The following PRMT5 variants were observed in gnomAD, a reference collection of about 807,000 sequenced individuals.
The protein encoded by PRMT5 is protein arginine methyltransferase 5.
Under a neutral mutation model 84.0 loss-of-function variants are expected in PRMT5, and 15 were observed. The observed-to-expected ratio is 0.18, with a 90% CI of 0.12 to 0.28. The LOEUF is 0.28. Ranked by LOEUF, PRMT5 falls within the 10% of genes least tolerant of loss-of-function variation. The pLI is 1.00. For missense variants in PRMT5, 486 were observed against 808.0 expected (o/e 0.60, Z 4.83); for synonymous variants, 276 against 292.4 (o/e 0.94, Z 0.57).
chr14:22,926,458 C>T (rs764981197), intron 6 of PRMT5, 48 bp downstream of exon 6: 1 of 1,605,846 alleles, frequency 6.2e-7, no homozygotes, highest in Non-Finnish European at 8.5e-7. Flanking sequence ...TTCTTATTCA[C>T]AGGAGGTAAG....
At chr14:22,922,117 G>A (rs769050203) in intron 16 of PRMT5, 59 bp downstream of exon 16, 13 of 1,407,446 alleles carry the variant, frequency 9.2e-6, no homozygotes, top group Non-Finnish European at 1.3e-5. Flanking sequence ...AAGGAAAGAA[G>A]CACAACACCA....
Position 22,924,973 on chromosome 14 carries a change from T to C in PRMT5, c.845A>G (p.Gln282Arg), listed in dbSNP as rs771419931. The C allele has an allele frequency of 6.2e-7, 1 of 1,614,086 alleles. No individual in the cohort carries two copies. Among genetic ancestry groups the C allele is most frequent in the East Asian group, 2.2e-5 (1 of 44,874 alleles). ...GTTCTGGCTTAAGTATTCCAGGTATTGGAGGTAGGAGCAGAACTCCTTCTC... is the reference window on the plus strand; with the variant it reads ...GTTCTGGCTTAAGTATTCCAGGTATCGGAGGTAGGAGCAGAACTCCTTCTC... ...HSEKEFCSYLQYLEYLSQNRP... is the reference protein window; with the variant it reads ...HSEKEFCSYLRYLEYLSQNRP... Residue 282 changes from glutamine (Q) to arginine (R), a missense_variant, in exon 8 of 17, where the codon CAA (glutamine) becomes CGA (arginine). Around this residue, in one of 4 missense-constraint regions of PRMT5, gnomAD observed 215 missense variants for 301.1 expected, o/e 0.71. Coordinates refer to ENST00000324366, the MANE Select transcript of PRMT5 (RefSeq NM_006109.5). The surrounding 1 kb of genome is among the most constrained non-coding windows in gnomAD (Gnocchi z 6.5).
chr14:22,921,418 G>A (rs1450657619), intron 16 of PRMT5, among the ~76,000 whole-genome samples: 1 of 152,184 alleles, frequency 6.6e-6, no homozygotes, highest in Admixed American at 6.5e-5. Flanking sequence ...AAAGAAGATA[G>A]ACAATTAGAA....
chr14:22,923,036 A>G lies in PRMT5; in HGVS notation c.1485+15T>C, dbSNP rs1191680805. ...TAAAGAGTACCACTTCTTTCCAGAG[A>G]GAGTGGTTCTTTACCTCAGGGTCAC... On this transcript the variant is annotated intron_variant, in intron 13 of 16. Transcript: ENST00000324366. The surrounding 1 kb of genome is among the most constrained non-coding windows in gnomAD (Gnocchi z 5.2). 6.4e-7 allele frequency: 1 copy of G among 1,568,236 alleles called. No homozygotes were observed. Among genetic ancestry groups the G allele is most frequent in the Admixed American group, 1.7e-5 (1 of 58,830 alleles).
intron 4 of PRMT5, chr14:22,927,020 T>G (rs2044435097): frequency 1.7e-6 from 1 of 573,866 alleles, no homozygotes; most frequent in African/African-American, 1.9e-5. Context: ...CCAAAATAAT[T>G]ACATTTACAT....
chr14:22,921,481 C>T (rs1256508550), intron 16 of PRMT5, among the ~76,000 whole-genome samples: 1 of 152,168 alleles, frequency 6.6e-6, no homozygotes, highest in Non-Finnish European at 1.5e-5. Context: ...ACAGTAGCTG[C>T]AAAGGCAAGC....
intron 15 of PRMT5, 32 bp from the exon 16 acceptor site, chr14:22,922,272 T>A (rs1432299529): frequency 1.9e-6 from 3 of 1,548,810 alleles, no homozygotes; most frequent in East Asian, 2.2e-5. Flanking sequence ...AAAACAGAGG[T>A]CTCCATGGCT....
chr14:22,928,478 C>A lies in PRMT5; in HGVS notation c.229+19G>T, dbSNP rs775698758. On this transcript the variant is annotated intron_variant, in intron 2 of 16. Coordinates refer to ENST00000324366, the MANE Select transcript of PRMT5 (RefSeq NM_006109.5). This position sits in a 1 kb window ranked among gnomAD's most constrained non-coding sequence, Gnocchi z 4.8. ...GTTATTGCCTCTAATAATTAAGGGGCATATGGGATGGTCCCTACCCCTTCC... is the reference window on the plus strand; with the variant it reads ...GTTATTGCCTCTAATAATTAAGGGGAATATGGGATGGTCCCTACCCCTTCC... 6.4e-7 allele frequency: 1 copy of A among 1,553,332 alleles called. No homozygotes were observed. The highest frequency in any genetic ancestry group is 8.9e-7 in the Non-Finnish European group (1 of 1,124,742).
Position 22,924,819 on chromosome 14 carries a change from T to C in PRMT5, c.939+60A>G. On this transcript the variant is annotated intron_variant, in intron 8 of 16. Coordinates refer to ENST00000324366, the MANE Select transcript of PRMT5 (RefSeq NM_006109.5). This position sits in a 1 kb window ranked among gnomAD's most constrained non-coding sequence, Gnocchi z 6.5. ...TGAGTTTTAGTAAGATTTGGAGGCATATATTCTCAAGAAACATTTTCCATC... is the reference window on the plus strand; with the variant it reads ...TGAGTTTTAGTAAGATTTGGAGGCACATATTCTCAAGAAACATTTTCCATC... The C allele has an allele frequency of 6.3e-7, 1 of 1,598,824 alleles. No individual in the cohort carries two copies. The highest frequency in any genetic ancestry group is 8.5e-7 in the Non-Finnish European group (1 of 1,170,210).
chr14:22,928,905 C>A lies in PRMT5; in HGVS notation c.111-290G>T. On this transcript the variant is annotated intron_variant, in intron 1 of 16. Coordinates refer to ENST00000324366, the MANE Select transcript of PRMT5 (RefSeq NM_006109.5). The surrounding 1 kb of genome is among the most constrained non-coding windows in gnomAD (Gnocchi z 4.8). ...CAGTATGTTTCCAAGACCATCACAT[C>A]CAGATTTGCCCCAGTTCTGCCCATG... The A allele has an allele frequency of 1.7e-6, 1 of 601,030 alleles. No homozygotes were observed. Among genetic ancestry groups the A allele is most frequent in the East Asian group, 2.8e-5 (1 of 36,170 alleles). The allele number at this position is 601,030 out of a possible 1,614,324, so 37.2% of individuals were successfully genotyped here. A position where few individuals can be genotyped will look rare whatever the true frequency, so the allele number is the denominator to read the frequency against.
In PRMT5 at chr14:22,924,514, G is replaced by A. The variant is rs749087627; in HGVS notation, c.1041C>T (p.Asp347=). Residue 347 remains aspartate, a synonymous_variant, in exon 10 of 17, where the codon GAC becomes GAT. Coordinates refer to ENST00000324366, the MANE Select transcript of PRMT5 (RefSeq NM_006109.5). The surrounding 1 kb of genome is among the most constrained non-coding windows in gnomAD (Gnocchi z 6.5). The part of the protein sequence containing the change: ...YQQAIYKCLL[D]RVPEEEKDTN... ...TATCCTTCTCCTCTTCTGGTACTCG[G>A]TCTAGCAGACATTTATAGATGGCCT... is the stretch of plus-strand genomic sequence containing the variant. 1 of 1,614,106 alleles carries A rather than the reference G, an allele frequency of 6.2e-7. No individual in the cohort carries two copies. The highest frequency in any genetic ancestry group is 8.5e-7 in the Non-Finnish European group (1 of 1,179,980).
chr14:22,927,459 A>C, intron 4 of PRMT5, 67 bp downstream of exon 4: 1 of 1,592,342 alleles, frequency 6.3e-7, no homozygotes, highest in Non-Finnish European at 8.6e-7. Flanking sequence ...ATGGCTAGGC[A>C]CAAGAAGGTA....
chr14:22,922,781 CAG>C lies in PRMT5; in HGVS notation c.1538_1539del (p.Ser513CysfsTer18). On this transcript the variant is annotated frameshift_variant, in exon 14 of 17. Transcript: ENST00000324366. LOFTEE classifies it high-confidence loss of function. Reference protein sequence around the residue: ...VVRLHNFHQLSAPQPCFTFSH... With the variant: ...VVRLHNFHQLXAPQPCFTFSH... ...CTGAAGGTGAAACAGGGCTGGGGTG[CAG>C]AGAGCTGGTGGAAGTTGTGCAGCCG... The C allele has an allele frequency of 6.2e-7, 1 of 1,613,918 alleles. No individual in the cohort carries two copies.
Position 22,923,886 on chromosome 14 carries a change from G to GTAGATCTCGGT in PRMT5, c.1375+121_1375+122insACCGAGATCTA. On this transcript the variant is annotated intron_variant, in intron 12 of 16. Coordinates refer to ENST00000324366, the MANE Select transcript of PRMT5 (RefSeq NM_006109.5). This position sits in a 1 kb window ranked among gnomAD's most constrained non-coding sequence, Gnocchi z 5.2. ...AGGGGCACAGAGGCAGTGAAGCAGT[G>GTAGATCTCGGT]GCTCTCAAACTCATATGATGTGACC... 2 of 1,050,884 alleles carry GTAGATCTCGGT rather than the reference G, an allele frequency of 1.9e-6. No individual in the cohort carries two copies. Among genetic ancestry groups the GTAGATCTCGGT allele is most frequent in the Non-Finnish European group, 2.7e-6 (2 of 738,072 alleles). 65.1% of individuals were successfully genotyped at this position (1,050,884 alleles called of 1,614,324 possible).
Position 22,928,493 on chromosome 14 carries a change from C to T in PRMT5, c.229+4G>A. 6.2e-7 allele frequency: 1 copy of T among 1,601,206 alleles called. No individual in the cohort carries two copies. The highest frequency in any genetic ancestry group is 1.1e-5 in the South Asian group (1 of 90,838). ...AATTAAGGGGCATATGGGATGGTCC[C>T]TACCCCTTCCTGACAGCAGTAGGTC... On this transcript the variant is annotated splice_donor_region_variant and intron_variant, in intron 2 of 16. Coordinates refer to ENST00000324366, the MANE Select transcript of PRMT5 (RefSeq NM_006109.5). The surrounding 1 kb of genome is among the most constrained non-coding windows in gnomAD (Gnocchi z 4.8).
chr14:22,922,581 G>T, intron 14 of PRMT5, 22 bp from the exon 15 acceptor site: 1 of 1,584,220 alleles, frequency 6.3e-7, no homozygotes, highest in East Asian at 2.2e-5. Flanking sequence ...TAATTATGTG[G>T]GTGACAAGGG....
Position 22,928,567 on chromosome 14 carries a change from C to T in PRMT5, c.159G>A (p.Glu53=). 1 of 1,614,162 alleles carries T rather than the reference C, an allele frequency of 6.2e-7. No homozygotes were observed. Among genetic ancestry groups the T allele is most frequent in the Non-Finnish European group, 8.5e-7 (1 of 1,179,996 alleles). Residue 53 remains glutamate (E), a synonymous_variant, in exon 2 of 17, where the codon GAG becomes GAA. Transcript: ENST00000324366. The surrounding 1 kb of genome is among the most constrained non-coding windows in gnomAD (Gnocchi z 4.8). ...GATTCTTAGCAGGTTCCTGAATGAA[C>T]TCCCTCTTGAAACGCGGATGGAAGA... ...MPVFHPRFKR[E]FIQEPAKNRP... is the part of the protein sequence containing the mutation.
chr14:22,924,641 C>T lies in PRMT5; in HGVS notation c.1008G>A (p.Gln336=), dbSNP rs2044377852. The stretch of plus-strand genomic sequence containing the variant: ...GGGCACCACACAGTACCTGCTGGTA[C>T]TGAGAGTATTTGATGGGGTCCTTTT... ...VFEKDPIKYS[Q]YQQAIYKCLL... Residue 336 remains glutamine (Q), a synonymous_variant, in exon 9 of 17, where the codon CAG becomes CAA. Transcript: ENST00000324366. This position sits in a 1 kb window ranked among gnomAD's most constrained non-coding sequence, Gnocchi z 6.5. 4.3e-6 allele frequency: 7 copies of T among 1,614,054 alleles called. No individual in the cohort carries two copies. Among genetic ancestry groups the T allele is most frequent in the Non-Finnish European group, 5.9e-6 (7 of 1,179,928 alleles).
At position 22,928,080 on chromosome 14, in the gene PRMT5, C is replaced by A; in HGVS notation, c.315+46G>T. On this transcript the variant is annotated intron_variant, in intron 3 of 16. Coordinates refer to ENST00000324366, the MANE Select transcript of PRMT5 (RefSeq NM_006109.5). This position sits in a 1 kb window ranked among gnomAD's most constrained non-coding sequence, Gnocchi z 4.8. ...GGATGGGAGGGGACCACTCTCCCCA[C>A]CCAGCTTGGTTAGAAAAATCCAGCA... 6.5e-7 allele frequency: 1 copy of A among 1,550,152 alleles called. No individual in the cohort carries two copies. Among genetic ancestry groups the A allele is most frequent in the Non-Finnish European group, 8.9e-7 (1 of 1,129,234 alleles).
Sources: allele counts gnomAD v4.1 joint callset (sites outside exome capture counted in the v4.1 genomes callset), GRCh38; gene constraint gnomAD v4.1.1; regional missense constraint gnomAD v4.1.1; non-coding constraint Gnocchi (gnomAD v3.1); transcripts MANE v1.5; gene names NCBI Gene and HGNC (gene_info 2026-07-23, HGNC 2026-07-21).